GRM5: variants seen among roughly 807,000 people sequenced by gnomAD.
The protein encoded by GRM5 is metabotropic glutamate receptor 5.
In GRM5, 19 loss-of-function variants were observed where a neutral mutation model predicts 83.1. That is an observed-to-expected ratio of 0.23 (90% CI 0.16 to 0.34). The LOEUF (loss-of-function observed/expected upper bound fraction) is 0.34. Among genes scored for constraint, GRM5 ranks in the 10% least tolerant of loss-of-function variants. The pLI is 1.00. For synonymous variants in GRM5, 675 were observed against 633.6 expected (o/e 1.07, Z -0.98); for missense variants, 1,160 against 1,588.3 (o/e 0.73, Z 4.58).
chr11:89,007,044 G>C (rs1169571303), intron 2 of GRM5, among the ~76,000 whole-genome samples: 2 of 152,106 alleles, frequency 1.3e-5, no homozygotes, highest in African/African-American at 4.8e-5. Flanking sequence ...TGATCTGCCC[G>C]TCTTGGCCTC....
At chr11:88,872,101 G>C (rs977829334) in intron 2 of GRM5, among the ~76,000 whole-genome samples, 4 of 151,448 alleles carry the variant, frequency 2.6e-5, no homozygotes, top group African/African-American at 9.7e-5. Flanking sequence ...GAGATGGACA[G>C]AGAGGAACAA....
intron 3 of GRM5, among the ~76,000 whole-genome samples, chr11:88,765,306 T>G (rs1413254687): frequency 6.6e-6 from 1 of 150,612 alleles, no homozygotes; most frequent in African/African-American, 2.4e-5. Flanking sequence ...TTCTACCAAC[T>G]GTTTAAGGAA....
intron 3 of GRM5, among the ~76,000 whole-genome samples, chr11:88,739,801 C>A (rs2135415294): frequency 6.6e-6 from 1 of 152,164 alleles, no homozygotes; most frequent in East Asian, 1.9e-4. Context: ...GTCAATTAAA[C>A]CTCTTTCCTT....
At chr11:88,822,905 C>T (rs1240664629) in intron 3 of GRM5, among the ~76,000 whole-genome samples, 3 of 151,828 alleles carry the variant, frequency 2.0e-5, no homozygotes, top group African/African-American at 4.8e-5. Context: ...AAACGCAGCT[C>T]AATAGTTTTC....
In GRM5 at chr11:88,590,591, G is replaced by T. The variant is rs767245294; in HGVS notation, c.1690+10C>A. Reference sequence around the variant, plus strand: ...GTTAATTTATATGTGGTGAGATTGTGATAGATTACCTGTGAGATCATCAGT... The same window carrying T: ...GTTAATTTATATGTGGTGAGATTGTTATAGATTACCTGTGAGATCATCAGT... On this transcript the variant is annotated intron_variant, in intron 7 of 9. Transcript: ENST00000305447. 5.0e-6 allele frequency: 8 copies of T among 1,610,178 alleles called. No individual in the cohort carries two copies. Among genetic ancestry groups the T allele is most frequent in the Admixed American group, 1.7e-5 (1 of 59,912 alleles).
In GRM5 at chr11:88,616,389, G is replaced by GTT. The variant is rs68153026; in HGVS notation, c.1148-11427_1148-11426dup. ...GTTGGATAAGATAGGGCTTTGGAGTGTTTTTTTTTTTTTTTTTTTTTTTTT... is the reference window on the plus strand; with the variant it reads ...GTTGGATAAGATAGGGCTTTGGAGTGTTTTTTTTTTTTTTTTTTTTTTTTTTT... On this transcript the variant is annotated intron_variant, in intron 4 of 9. Transcript: ENST00000305447. 6.0e-3 allele frequency among the ~76,000 whole-genome samples: 576 copies of GTT among 95,730 alleles called. 12 individuals are homozygous for GTT. Among genetic ancestry groups the GTT allele is most frequent in the African/African-American group, 0.02 (519 of 26,462 alleles). The allele number at this position is 95,730 out of a possible 152,430, so 62.8% of individuals were successfully genotyped here. A position where few individuals can be genotyped will look rare whatever the true frequency, so the allele number is the denominator to read the frequency against.
intron 3 of GRM5, among the ~76,000 whole-genome samples, chr11:88,749,299 C>T (rs951088723): frequency 6.6e-6 from 1 of 152,150 alleles, no homozygotes; most frequent in Non-Finnish European, 1.5e-5. Context: ...AACGCACTCA[C>T]AAGTATCAAT....
At chr11:88,786,686 G>T (rs2135469406) in intron 3 of GRM5, among the ~76,000 whole-genome samples, 1 of 152,114 alleles carries the variant, frequency 6.6e-6, no homozygotes, top group East Asian at 1.9e-4. Flanking sequence ...GGACATTCCT[G>T]ACTACCTTAT....
intron 3 of GRM5, among the ~76,000 whole-genome samples, chr11:88,812,727 G>A (rs561525133): frequency 2.0e-5 from 3 of 152,052 alleles, no homozygotes; most frequent in South Asian, 2.1e-4. Context: ...CATAAAAGAC[G>A]AAATTTCATT....
At chr11:88,828,131 G>A (rs942445367) in intron 3 of GRM5, among the ~76,000 whole-genome samples, 3 of 152,194 alleles carry the variant, frequency 2.0e-5, no homozygotes, top group African/African-American at 4.8e-5. Context: ...GAAGACCACT[G>A]TGGCTAAAGT....
chr11:88,524,253 C>T (rs745620080), intron 9 of GRM5, among the ~76,000 whole-genome samples: 6 of 109,658 alleles, frequency 5.5e-5, no homozygotes, highest in East Asian at 4.8e-4. Flanking sequence ...TTTTCACTCT[C>T]GTTGCCCAGG....
intron 1 of GRM5, among the ~76,000 whole-genome samples, chr11:89,051,778 G>A (rs552276675): frequency 6.6e-6 from 1 of 152,130 alleles, no homozygotes; most frequent in Non-Finnish European, 1.5e-5. Context: ...CAAATGACTG[G>A]AACAATTCAA....
At chr11:88,627,231 T>C (rs1257743390) in intron 4 of GRM5, among the ~76,000 whole-genome samples, 1 of 152,246 alleles carries the variant, frequency 6.6e-6, no homozygotes, top group Non-Finnish European at 1.5e-5. Context: ...ATGCCAAAGC[T>C]TGTACAAAAC....
intron 3 of GRM5, among the ~76,000 whole-genome samples, chr11:88,803,490 A>G (rs1943439699): frequency 6.6e-6 from 1 of 151,972 alleles, no homozygotes; most frequent in Admixed American, 6.6e-5. Flanking sequence ...CATATGTAGA[A>G]AGCTGAAACT....
rs118083017 is a variant in GRM5 at position 88,786,399 on chromosome 11, A to G, written c.911+63507T>C. On this transcript the variant is annotated intron_variant, in intron 3 of 9. Coordinates refer to ENST00000305447, the MANE Select transcript of GRM5 (RefSeq NM_001143831.3). ...CATTGCTTTGCCATGACTTGATATAATTAGCTAACATCACAAATCCTCTGA... is the reference window on the plus strand; with the variant it reads ...CATTGCTTTGCCATGACTTGATATAGTTAGCTAACATCACAAATCCTCTGA... Among the ~76,000 whole-genome samples, 32 of 152,284 alleles carry G rather than the reference A, an allele frequency of 2.1e-4. No homozygotes were observed. The East Asian group carries it at 6.2e-3, about 29-fold the overall frequency.
intron 2 of GRM5, among the ~76,000 whole-genome samples, chr11:88,865,507 C>A (rs1944647328): frequency 6.6e-6 from 1 of 152,080 alleles, no homozygotes; most frequent in African/African-American, 2.4e-5. Flanking sequence ...TGGGCAAAGA[C>A]TTCATGACTA....
chr11:88,814,812 A>T (rs1314446842), intron 3 of GRM5, among the ~76,000 whole-genome samples: 2 of 152,212 alleles, frequency 1.3e-5, no homozygotes, highest in African/African-American at 4.8e-5. Context: ...AAAAAATAAC[A>T]AGTAATTGAA....
chr11:88,955,657 A>C (rs1938588352), intron 2 of GRM5, among the ~76,000 whole-genome samples: 1 of 152,076 alleles, frequency 6.6e-6, no homozygotes, highest in African/African-American at 2.4e-5. Flanking sequence ...ATGTATCCTG[A>C]ACTTTCTTGC....
chr11:88,737,969 AAGAT>A (rs1200514782), intron 3 of GRM5, among the ~76,000 whole-genome samples: 1 of 152,058 alleles, frequency 6.6e-6, no homozygotes, highest in East Asian at 1.9e-4. Context: ...ATGTTTTTGA[AAGAT>A]AGATGTGAAA....
Sources: gnomAD v4.1 joint callset for allele counts (sites outside exome capture counted in the v4.1 genomes callset) on GRCh38, gnomAD v4.1.1 for gene constraint, MANE v1.5 for transcripts, NCBI Gene and HGNC (gene_info 2026-07-23, HGNC 2026-07-21) for gene names.